NRIP1: variants seen among roughly 807,000 people sequenced by gnomAD.
The protein encoded by NRIP1 is nuclear receptor-interacting protein 1.
NRIP1 carries 28 observed loss-of-function variants against 75.0 expected under a neutral mutation model. The observed-to-expected ratio is 0.37, with a 90% confidence interval of 0.28 to 0.51. The LOEUF is 0.51. Among genes scored for constraint, NRIP1 ranks in the 20% least tolerant of loss-of-function variants. The probability of loss-of-function intolerance (pLI) is 0.92; values close to 1 mark genes in which losing one functional copy is unlikely to be tolerated. For missense variants in NRIP1, 1,435 were observed against 1,343.7 expected, an observed-to-expected ratio of 1.07 and a Z score of -1.06; for synonymous variants, 526 against 487.6, an observed-to-expected ratio of 1.08 and a Z score of -1.04.
At chr21:15,032,487 A>G (rs555063818) in intron 2 of NRIP1, among the ~76,000 whole-genome samples, 2 of 151,616 alleles carry the variant, frequency 1.3e-5, no homozygotes, top group East Asian at 3.9e-4. Context: ...ATTTGGATAA[A>G]TGATGGCTCT....
chr21:14,977,587 T>C (rs1468341227), intron 3 of NRIP1, among the ~76,000 whole-genome samples: 2 of 117,044 alleles, frequency 1.7e-5, no homozygotes, highest in East Asian at 6.2e-4. Context: ...AAAAAGTCAC[T>C]GGAAAAAACA....
At position 14,968,077 on chromosome 21, in the gene NRIP1, T is replaced by C. The variant is rs762506233; in HGVS notation, c.116A>G (p.Lys39Arg). The C allele has an allele frequency of 1.2e-6, 2 of 1,614,070 alleles. No homozygotes were observed. The highest frequency in any genetic ancestry group is 2.2e-5 in the East Asian group (1 of 44,872). ...AAGGSGTAVD[K>R]KSAGHNEEDQ... ...CTCTTCATTATGCCCAGCAGACTTT[T>C]TGTCAACGGCAGTACCTGATCCCCC... The change falls in exon 4 of 4, where the codon AAA becomes AGA. Residue 39 changes from lysine (K) to arginine (R), a missense_variant. Transcript: ENST00000318948.
chr21:15,058,556 G>A (rs2089354567), intron 1 of NRIP1, among the ~76,000 whole-genome samples: 1 of 152,048 alleles, frequency 6.6e-6, no homozygotes, highest in Admixed American at 6.5e-5. Context: ...TTAAACACTT[G>A]CTATCTCTCA....
At chr21:15,056,139 T>C (rs2089300898) in intron 1 of NRIP1, among the ~76,000 whole-genome samples, 1 of 152,070 alleles carries the variant, frequency 6.6e-6, no homozygotes. Flanking sequence ...ACTTGTTTGA[T>C]AAATGGGGGG....
intron 3 of NRIP1, among the ~76,000 whole-genome samples, chr21:14,983,913 A>AT (rs2087317380): frequency 6.6e-6 from 1 of 152,196 alleles, no homozygotes; most frequent in African/African-American, 2.4e-5. Flanking sequence ...TCCTTTCAAA[A>AT]TATTACAGGC....
chr21:15,014,352 T>C lies in NRIP1; in HGVS notation c.-343A>G, dbSNP rs2088176487. 10 of 397,954 alleles carry C rather than the reference T, an allele frequency of 2.5e-5. No individual in the cohort carries two copies. The East Asian group carries it at 3.6e-4, about 14-fold the overall frequency. The allele number at this position is 397,954 out of a possible 1,614,324, so 24.7% of individuals were successfully genotyped here. A position where few individuals can be genotyped will look rare whatever the true frequency, so the allele number is the denominator to read the frequency against. The stretch of plus-strand genomic sequence containing the variant: ...GAAAAAAATATTCTCACCGTCTGTC[T>C]CCAAGCTCTGAGCCTCTGCTTTCTG... On this transcript the variant is annotated 5_prime_UTR_variant, in exon 3 of 4. Coordinates refer to ENST00000318948, the MANE Select transcript of NRIP1 (RefSeq NM_003489.4).
At chr21:15,053,358 C>G (rs2089242013) in intron 1 of NRIP1, among the ~76,000 whole-genome samples, 1 of 152,162 alleles carries the variant, frequency 6.6e-6, no homozygotes, top group Non-Finnish European at 1.5e-5. Context: ...GATGTATGGT[C>G]AAAGCTAAGC....
intron 1 of NRIP1, among the ~76,000 whole-genome samples, chr21:15,055,674 C>A (rs1036881393): frequency 6.6e-6 from 1 of 152,184 alleles, no homozygotes; most frequent in African/African-American, 2.4e-5. Context: ...ACCTGGTACA[C>A]AAACCCCTCT....
chr21:14,971,727 T>C (rs1161651275), intron 3 of NRIP1, among the ~76,000 whole-genome samples: 1 of 152,214 alleles, frequency 6.6e-6, no homozygotes, highest in Admixed American at 6.5e-5. Context: ...TGTTTTAAGA[T>C]TTTTAAATGA....
At chr21:14,992,885 A>G (rs969527558) in intron 3 of NRIP1, 1 of 152,652 alleles carries the variant, frequency 6.6e-6, no homozygotes, top group Non-Finnish European at 1.5e-5. Context: ...AGATTAAGAC[A>G]TACACATACA....
chr21:15,014,004 T>C (rs1012173385), intron 3 of NRIP1, among the ~76,000 whole-genome samples: 2 of 152,218 alleles, frequency 1.3e-5, no homozygotes, highest in Non-Finnish European at 2.9e-5. Context: ...ACAAAAATAC[T>C]ATTTCTTCTT....
intron 2 of NRIP1, among the ~76,000 whole-genome samples, chr21:15,033,421 G>A (rs1049856891): frequency 6.6e-5 from 10 of 152,014 alleles, no homozygotes; most frequent in African/African-American, 2.4e-4. Context: ...CAGAGTTGGG[G>A]TTCATACCTA....
chr21:14,988,855 T>G (rs904629800), intron 3 of NRIP1, among the ~76,000 whole-genome samples: 2 of 151,986 alleles, frequency 1.3e-5, no homozygotes, highest in East Asian at 3.9e-4. Context: ...TTCAGATTAG[T>G]GCCTAGAGGA....
intron 3 of NRIP1, among the ~76,000 whole-genome samples, chr21:15,005,941 A>G (rs2087961085): frequency 6.6e-6 from 1 of 152,132 alleles, no homozygotes; most frequent in Non-Finnish European, 1.5e-5. Flanking sequence ...TTAAAGCTCT[A>G]TTTGTATCTT....
At chr21:15,059,110 C>T (rs2147414502) in intron 1 of NRIP1, among the ~76,000 whole-genome samples, 1 of 152,274 alleles carries the variant, frequency 6.6e-6, no homozygotes, top group East Asian at 1.9e-4. Context: ...TCCACCAAAG[C>T]TCTGAATAAA....
intron 2 of NRIP1, among the ~76,000 whole-genome samples, chr21:15,033,981 T>C (rs533627118): frequency 6.6e-6 from 1 of 152,336 alleles, no homozygotes; most frequent in East Asian, 1.9e-4. Flanking sequence ...ACAAATATAA[T>C]TACAAGTCCT....
At chr21:14,988,082 G>T (rs2087454676) in intron 3 of NRIP1, 1 of 152,134 alleles carries the variant, frequency 6.6e-6, no homozygotes, top group Non-Finnish European at 1.5e-5. Context: ...TATTAGGAAG[G>T]CCACAAAGCA....
intron 3 of NRIP1, among the ~76,000 whole-genome samples, chr21:15,011,240 A>G (rs1020260376): frequency 5.3e-5 from 8 of 151,994 alleles, no homozygotes; most frequent in Non-Finnish European, 8.8e-5. Context: ...CCCAGGCTGG[A>G]GTGCAGTGGC....
chr21:14,989,337 G>A (rs535094363), intron 3 of NRIP1, among the ~76,000 whole-genome samples: 9 of 152,250 alleles, frequency 5.9e-5, no homozygotes, highest in South Asian at 2.1e-4. Context: ...TTGTAGGGGC[G>A]GAACCAACAA....
Sources: gnomAD v4.1 joint callset for allele counts (sites outside exome capture counted in the v4.1 genomes callset) on GRCh38, gnomAD v4.1.1 for gene constraint, MANE v1.5 for transcripts, NCBI Gene and HGNC (gene_info 2026-07-23, HGNC 2026-07-21) for gene names.